PCDHGB3: variants seen among roughly 807,000 people sequenced by gnomAD.
PCDHGB3 encodes the protein protocadherin gamma-B3.
Under a neutral mutation model 59.2 loss-of-function variants are expected in PCDHGB3, and 40 were observed. The observed-to-expected ratio is 0.68, with a 90% CI of 0.52 to 0.88. The LOEUF (loss-of-function observed/expected upper bound fraction) is 0.88, where lower values mean the gene tolerates loss of function less well. Ranked by LOEUF, PCDHGB3 falls within the 40% of genes least tolerant of loss-of-function variation. The pLI is 0.00. For missense variants in PCDHGB3, 1,309 were observed against 1,187.9 expected (o/e 1.10, Z -1.50); for synonymous variants, 581 against 503.6 (o/e 1.15, Z -2.06).
intron 1 of PCDHGB3, chr5:141,419,059 T>C (rs574873856): frequency 1.6e-5 from 26 of 1,613,962 alleles, no homozygotes; most frequent in Non-Finnish European, 2.0e-5. Context: ...CTTCTAATAA[T>C]TACTACAAGC....
At chr5:141,415,560 GT>G in intron 1 of PCDHGB3, 1 of 1,613,936 alleles carries the variant, frequency 6.2e-7, no homozygotes, top group Non-Finnish European at 8.5e-7. Flanking sequence ...ACGATCCTTT[GT>G]CTTTGTTAGA....
chr5:141,422,226 G>A (rs766346054), intron 1 of PCDHGB3: 1 of 1,565,844 alleles, frequency 6.4e-7, no homozygotes, highest in East Asian at 2.2e-5. Flanking sequence ...CCACCACGAC[G>A]ATGTTGATCA....
intron 1 of PCDHGB3, chr5:141,388,609 TCA>T: frequency 6.2e-7 from 1 of 1,613,926 alleles, no homozygotes; most frequent in Non-Finnish European, 8.5e-7. Flanking sequence ...GCTCCAGTGT[TCA>T]GTCAAGACGT....
chr5:141,445,786 C>A (rs1189294394), intron 1 of PCDHGB3, among the ~76,000 whole-genome samples: 2 of 152,018 alleles, frequency 1.3e-5, no homozygotes, highest in Non-Finnish European at 2.9e-5. Flanking sequence ...GCTAGGGAGG[C>A]TAGAAACAGA....
chr5:141,394,653 C>T lies in PCDHGB3; in HGVS notation c.2415+21844C>T, dbSNP rs545273127. On this transcript the variant is annotated intron_variant, in intron 1 of 3. Coordinates refer to ENST00000576222, the MANE Select transcript of PCDHGB3 (RefSeq NM_018924.5). ...CTACCGCCTGCTCAAGGCCAGCGAG[C>T]CGGGACTCTTCTCGGTGGGTCTGCA... The T allele has an allele frequency of 9.9e-6, 16 of 1,613,348 alleles. No homozygotes were observed. The East Asian group carries it at 3.1e-4, about 31-fold the overall frequency.
chr5:141,460,950 T>C (rs1458616371), intron 1 of PCDHGB3, among the ~76,000 whole-genome samples: 1 of 135,948 alleles, frequency 7.4e-6, no homozygotes, highest in East Asian at 2.0e-4. Flanking sequence ...ATATGTATTA[T>C]GTATATATAT....
At position 141,432,374 on chromosome 5, in the gene PCDHGB3, C is replaced by G; in HGVS notation, c.2415+59565C>G. The G allele has an allele frequency of 6.2e-7, 1 of 1,614,240 alleles. No individual in the cohort carries two copies. The highest frequency in any genetic ancestry group is 1.1e-5 in the South Asian group (1 of 91,082). ...GAAAGTGATGGCGCGGGACAACGGG[C>G]ACCCGCCCCTCAGCAGCAACGTGTC... On this transcript the variant is annotated intron_variant, in intron 1 of 3. Transcript: ENST00000576222. The surrounding 1 kb of genome is among the most constrained non-coding windows in gnomAD (Gnocchi z 6.0).
intron 1 of PCDHGB3, chr5:141,375,029 G>T (rs1265395615): frequency 6.2e-7 from 1 of 1,614,032 alleles, no homozygotes; most frequent in Admixed American, 1.7e-5. Context: ...GAGTTTTTAT[G>T]AGCTGGGTGT....
intron 1 of PCDHGB3, among the ~76,000 whole-genome samples, chr5:141,492,226 C>T (rs1365682179): frequency 6.6e-6 from 1 of 152,178 alleles, no homozygotes; most frequent in Non-Finnish European, 1.5e-5. Flanking sequence ...CATGCGTGTC[C>T]TCCCTGCTGG....
chr5:141,389,705 G>A (rs770533850), intron 1 of PCDHGB3: 2 of 1,612,552 alleles, frequency 1.2e-6, no homozygotes, highest in Admixed American at 3.3e-5. Context: ...ACCACGTGCT[G>A]CAGGCTAGCG....
At chr5:141,413,257 T>C (rs777964429) in intron 1 of PCDHGB3, 3 of 1,613,954 alleles carry the variant, frequency 1.9e-6, no homozygotes, top group African/African-American at 1.3e-5. Flanking sequence ...CGGGATTCCA[T>C]GGGAGGCTGG....
chr5:141,375,336 A>G, intron 1 of PCDHGB3: 1 of 1,613,828 alleles, frequency 6.2e-7, no homozygotes, highest in African/African-American at 1.3e-5. Context: ...GTATTCTTGT[A>G]CAACATCACT....
chr5:141,485,734 C>T lies in PCDHGB3; in HGVS notation c.2416-9073C>T. ...CACTGGATGTGAAGAAGCGCAGCGACGGCAGCCTGGTCCCAGAGCTGCTCC... is the reference window on the plus strand; with the variant it reads ...CACTGGATGTGAAGAAGCGCAGCGATGGCAGCCTGGTCCCAGAGCTGCTCC... On this transcript the variant is annotated intron_variant, in intron 1 of 3. Transcript: ENST00000576222. This position sits in a 1 kb window ranked among gnomAD's most constrained non-coding sequence, Gnocchi z 5.7. The T allele has an allele frequency of 6.2e-7, 1 of 1,614,210 alleles. No individual in the cohort carries two copies. The highest frequency in any genetic ancestry group is 8.5e-7 in the Non-Finnish European group (1 of 1,180,028).
intron 1 of PCDHGB3, among the ~76,000 whole-genome samples, chr5:141,430,013 G>T (rs2097256191): frequency 6.6e-6 from 1 of 151,922 alleles, no homozygotes; most frequent in South Asian, 2.1e-4. Context: ...TTTTCACTTG[G>T]GTTCTTGTTA....
At chr5:141,398,242 G>A (rs768096349) in intron 1 of PCDHGB3, 11 of 1,476,422 alleles carry the variant, frequency 7.5e-6, no homozygotes, top group Admixed American at 6.1e-5. Context: ...CAGGATTCCC[G>A]AGGAAATGCC....
chr5:141,393,376 G>C (rs749009041), intron 1 of PCDHGB3: 2 of 1,613,842 alleles, frequency 1.2e-6, no homozygotes, highest in African/African-American at 2.7e-5. Flanking sequence ...GGAGACAATG[G>C]AGCCATAAAC....
Position 141,431,877 on chromosome 5 carries a change from A to G in PCDHGB3, c.2415+59068A>G. On this transcript the variant is annotated intron_variant, in intron 1 of 3. Coordinates refer to ENST00000576222, the MANE Select transcript of PCDHGB3 (RefSeq NM_018924.5). The surrounding 1 kb of genome is among the most constrained non-coding windows in gnomAD (Gnocchi z 4.8). ...TTAATTGCCCTTTTAAATGTAAATG[A>G]CCAAGATTCTGAGGAAAACGGACAG... is the stretch of plus-strand genomic sequence containing the variant. 8 of 1,614,230 alleles carry G rather than the reference A, an allele frequency of 5.0e-6. No individual in the cohort carries two copies. Among genetic ancestry groups the G allele is most frequent in the Non-Finnish European group, 6.8e-6 (8 of 1,180,016 alleles).
Position 141,432,184 on chromosome 5 carries a change from C to T in PCDHGB3, c.2415+59375C>T, listed in dbSNP as rs774512372. 3.7e-6 allele frequency: 6 copies of T among 1,614,164 alleles called. No homozygotes were observed. The highest frequency in any genetic ancestry group is 2.2e-5 in the South Asian group (2 of 91,080). On this transcript the variant is annotated intron_variant, in intron 1 of 3. Transcript: ENST00000576222. The surrounding 1 kb of genome is among the most constrained non-coding windows in gnomAD (Gnocchi z 6.0). Reference sequence around the variant, plus strand: ...GAGGAGTTTCCCTCGTCTCTGTGACCGCCCACGACCCCGACTGTGAAGAGA... The same window carrying T: ...GAGGAGTTTCCCTCGTCTCTGTGACTGCCCACGACCCCGACTGTGAAGAGA...
rs189767695 is a variant in PCDHGB3, at chr5:141,497,247, T to C, written c.2474+2382T>C. Among the ~76,000 whole-genome samples the C allele has an allele frequency of 2.0e-5, 3 of 151,456 alleles. No individual in the cohort carries two copies. The East Asian group carries it at 5.8e-4, about 29-fold the overall frequency. ...ATCAGAGAAGGCTTCTAGGAGGAGGTGACATTGAGAAGTTCTAGGCCATTT... is the reference window on the plus strand; with the variant it reads ...ATCAGAGAAGGCTTCTAGGAGGAGGCGACATTGAGAAGTTCTAGGCCATTT... On this transcript the variant is annotated intron_variant, in intron 2 of 3. Transcript: ENST00000576222.
Sources: allele counts gnomAD v4.1 joint callset (sites outside exome capture counted in the v4.1 genomes callset), GRCh38; gene constraint gnomAD v4.1.1; non-coding constraint Gnocchi (gnomAD v3.1); transcripts MANE v1.5; gene names NCBI Gene and HGNC (gene_info 2026-07-23, HGNC 2026-07-21).